The following TSHZ2 variants were observed in gnomAD, a reference collection of about 807,000 sequenced individuals.
The protein encoded by TSHZ2 is teashirt homolog 2.
Under a neutral mutation model 74.4 loss-of-function variants are expected in TSHZ2, and 21 were observed. The ratio of observed to expected loss-of-function variants is 0.28; its 90% CI spans 0.20 to 0.41. The LOEUF (loss-of-function observed/expected upper bound fraction) is 0.41, where lower values mean the gene tolerates loss of function less well. TSHZ2 is among the 10% of genes least tolerant of loss of function. The pLI is 1.00. For synonymous variants in TSHZ2, 540 were observed against 515.3 expected (o/e 1.05, Z -0.65); for missense variants, 1,244 against 1,293.5 (o/e 0.96, Z 0.59).
chr20:53,044,974 C>T (rs1401143849), intron 1 of TSHZ2, among the ~76,000 whole-genome samples: 1 of 152,172 alleles, frequency 6.6e-6, no homozygotes, highest in Non-Finnish European at 1.5e-5. Context: ...GCTGGGATTA[C>T]AGGTGCAAGC....
At chr20:53,368,666 G>A (rs531109865) in intron 2 of TSHZ2, among the ~76,000 whole-genome samples, 1 of 152,288 alleles carries the variant, frequency 6.6e-6, no homozygotes, top group Admixed American at 6.5e-5. Flanking sequence ...TAAACTGATA[G>A]CAATATAGGG....
At chr20:53,036,703 ATATG>A (rs1457159156) in intron 1 of TSHZ2, among the ~76,000 whole-genome samples, 2 of 147,720 alleles carry the variant, frequency 1.4e-5, no homozygotes, top group Non-Finnish European at 3.0e-5. Flanking sequence ...ATTACTATGT[ATATG>A]TATGTATATT....
At chr20:53,429,112 A>G (rs2070712535) in intron 2 of TSHZ2, among the ~76,000 whole-genome samples, 3 of 152,204 alleles carry the variant, frequency 2.0e-5, no homozygotes, top group African/African-American at 4.8e-5. Flanking sequence ...ACTAAGTGAT[A>G]CAAGAAATAA....
At position 53,118,641 on chromosome 20, in the gene TSHZ2, G is replaced by A. The variant is rs79499969; in HGVS notation, c.41-134858G>A. 4.5e-3 allele frequency among the ~76,000 whole-genome samples: 689 copies of A among 152,230 alleles called. 5 individuals are homozygous for A. Among genetic ancestry groups the A allele is most frequent in the African/African-American group, 0.016 (656 of 41,536 alleles). ...AGTCATCAGTTATGGGTGTCAGGGA[G>A]GTTCCTTAACCTCCCAGGTGGGTGA... On this transcript the variant is annotated intron_variant, in intron 1 of 2. Transcript: ENST00000371497.
At chr20:53,419,485 C>A (rs1983390483) in intron 2 of TSHZ2, among the ~76,000 whole-genome samples, 1 of 152,154 alleles carries the variant, frequency 6.6e-6, no homozygotes, top group African/African-American at 2.4e-5. Context: ...CTCATGCTCA[C>A]AACAGCCCTA....
intron 1 of TSHZ2, among the ~76,000 whole-genome samples, chr20:53,238,169 C>T (rs952861144): frequency 6.6e-6 from 1 of 152,136 alleles, no homozygotes; most frequent in Non-Finnish European, 1.5e-5. Context: ...CTCAAACATG[C>T]CAAGAAACCA....
Position 53,486,260 on chromosome 20 carries a change from G to A in TSHZ2, c.*9-884G>A, listed in dbSNP as rs145963301. The stretch of plus-strand genomic sequence containing the variant: ...CCATTTTTAGGGCTAATATTCCGTC[G>A]CATGTACATATCACATTTGCTTATC... On this transcript the variant is annotated intron_variant, in intron 2 of 2. Transcript: ENST00000371497. Among the ~76,000 whole-genome samples, 31 of 152,200 alleles carry A rather than the reference G, an allele frequency of 2.0e-4. No individual in the cohort carries two copies. The East Asian group carries it at 3.7e-3, about 18-fold the overall frequency.
intron 1 of TSHZ2, among the ~76,000 whole-genome samples, chr20:53,088,636 T>A (rs1326006427): frequency 3.3e-5 from 5 of 152,230 alleles, no homozygotes; most frequent in Non-Finnish European, 1.5e-5. Flanking sequence ...TCTATCTAAA[T>A]GGAGATTTGA....
At chr20:53,055,128 C>CA (rs1299251250) in intron 1 of TSHZ2, among the ~76,000 whole-genome samples, 2 of 152,006 alleles carry the variant, frequency 1.3e-5, no homozygotes, top group Non-Finnish European at 2.9e-5. Flanking sequence ...CTATTGATGA[C>CA]AAAAAAAGCA....
intron 1 of TSHZ2, among the ~76,000 whole-genome samples, chr20:53,107,368 T>C (rs1298046401): frequency 6.6e-6 from 1 of 152,094 alleles, no homozygotes; most frequent in Non-Finnish European, 1.5e-5. Flanking sequence ...CATAGTGGAG[T>C]CCATGAGGGC....
chr20:53,147,283 T>G (rs2123430362), intron 1 of TSHZ2, among the ~76,000 whole-genome samples: 1 of 152,350 alleles, frequency 6.6e-6, no homozygotes, highest in East Asian at 1.9e-4. Flanking sequence ...ACATGGTGCC[T>G]GGAAACTGGG....
chr20:53,470,327 TCA>T (rs1337461340), intron 2 of TSHZ2, among the ~76,000 whole-genome samples: 1 of 152,208 alleles, frequency 6.6e-6, no homozygotes. Flanking sequence ...AAGGGTTTCC[TCA>T]CACAGAGATT....
chr20:53,055,261 G>A (rs1713610171), intron 1 of TSHZ2, among the ~76,000 whole-genome samples: 1 of 152,164 alleles, frequency 6.6e-6, no homozygotes, highest in African/African-American at 2.4e-5. Context: ...AGTGTTAAGT[G>A]TGCATTTTAA....
rs747336941 is a variant in TSHZ2 at position 53,461,907 on chromosome 20, A to G, written c.*9-25237A>G. 1.2e-4 allele frequency among the ~76,000 whole-genome samples: 18 copies of G among 151,860 alleles called. No homozygotes were observed. The Middle Eastern group carries it at 0.01, about 86-fold the overall frequency. ...CTAGGGGATTTTCTTTCCCAAACAC[A>G]TTGGTAAACCTATTCAAAACTGAAT... On this transcript the variant is annotated intron_variant, in intron 2 of 2. Coordinates refer to ENST00000371497, the MANE Select transcript of TSHZ2 (RefSeq NM_173485.6).
In TSHZ2 at chr20:53,242,660, A is replaced by G. The variant is rs113804399; in HGVS notation, c.41-10839A>G. ...CCTGTGAGTTTAAACCCATGTGCAC[A>G]CTTCAACCATCCAAAGCAATATTCT... On this transcript the variant is annotated intron_variant, in intron 1 of 2. Transcript: ENST00000371497. 1.1e-3 allele frequency among the ~76,000 whole-genome samples: 163 copies of G among 152,220 alleles called. 1 individual carries two copies. The highest frequency in any genetic ancestry group is 1.7e-3 in the Non-Finnish European group (119 of 68,016).
At chr20:53,188,945 C>T (rs1323613348) in intron 1 of TSHZ2, among the ~76,000 whole-genome samples, 1 of 152,102 alleles carries the variant, frequency 6.6e-6, no homozygotes, top group Non-Finnish European at 1.5e-5. Context: ...ATGATTATCC[C>T]CATTTTTCAG....
intron 1 of TSHZ2, among the ~76,000 whole-genome samples, chr20:53,094,004 TTA>T (rs1402534605): frequency 2.5e-4 from 31 of 122,750 alleles, no homozygotes; most frequent in African/African-American, 9.0e-4. Context: ...TTTTTTTTTT[TTA>T]AATAAACCAG....
In TSHZ2 at chr20:53,254,732, C is replaced by A. The variant is rs755382705; in HGVS notation, c.1274C>A (p.Ala425Glu). 6.2e-7 allele frequency: 1 copy of A among 1,613,816 alleles called. No individual in the cohort carries two copies. Among genetic ancestry groups the A allele is most frequent in the Non-Finnish European group, 8.5e-7 (1 of 1,179,770 alleles). Residue 425 changes from alanine to glutamate, a missense_variant, in exon 2 of 3, where the codon GCA (alanine) becomes GAA (glutamate). Around this residue, in one of 6 missense-constraint regions of TSHZ2, gnomAD observed 562 missense variants for 544.0 expected, o/e 1.03. Coordinates refer to ENST00000371497, the MANE Select transcript of TSHZ2 (RefSeq NM_173485.6). ...KGKQLVLDPL[A>E]VEKMQSLSEA... Reference sequence around the variant, plus strand: ...AAGCAGCTGGTATTAGACCCGTTAGCAGTGGAGAAAATGCAGTCGTTGTCT... The same window carrying A: ...AAGCAGCTGGTATTAGACCCGTTAGAAGTGGAGAAAATGCAGTCGTTGTCT...
chr20:53,021,440 GAA>G (rs1253407029), intron 1 of TSHZ2, among the ~76,000 whole-genome samples: 1 of 152,158 alleles, frequency 6.6e-6, no homozygotes, highest in African/African-American at 2.4e-5. Flanking sequence ...ATGGAAGTTG[GAA>G]CTCCGCTGAT....
Sources: allele counts gnomAD v4.1 joint callset (sites outside exome capture counted in the v4.1 genomes callset), GRCh38; gene constraint gnomAD v4.1.1; regional missense constraint gnomAD v4.1.1; transcripts MANE v1.5; gene names NCBI Gene and HGNC (gene_info 2026-07-23, HGNC 2026-07-21).